The following SPOCK1 variants were observed in gnomAD, a reference collection of about 807,000 sequenced individuals.
SPOCK1 encodes the protein testican-1.
A neutral mutation model predicts 55.3 loss-of-function variants in SPOCK1; 23 were observed. That is an observed-to-expected ratio of 0.42 (90% CI 0.30 to 0.59). The LOEUF (loss-of-function observed/expected upper bound fraction) is 0.59, where lower values mean the gene tolerates loss of function less well. SPOCK1 is among the 20% of genes least tolerant of loss of function. The pLI, the probability that SPOCK1 is intolerant of heterozygous loss-of-function variation, is 0.22. For synonymous variants in SPOCK1, 226 were observed against 221.0 expected, an observed-to-expected ratio of 1.02 and a Z score of -0.20; for missense variants, 499 against 552.5, an observed-to-expected ratio of 0.90 and a Z score of 0.97.
At chr5:137,180,932 C>T (rs902506473) in intron 3 of SPOCK1, among the ~76,000 whole-genome samples, 17 of 152,108 alleles carry the variant, frequency 1.1e-4, no homozygotes, top group East Asian at 3.9e-4. Context: ...GTCTTGGAAT[C>T]GAATCCAATC....
chr5:137,237,897 G>T (rs776782954), intron 3 of SPOCK1, among the ~76,000 whole-genome samples: 2 of 152,122 alleles, frequency 1.3e-5, no homozygotes, highest in Non-Finnish European at 2.9e-5. Context: ...ACACTTGAAG[G>T]CACTGCTTCA....
At chr5:137,465,555 A>C (rs1009433080) in intron 2 of SPOCK1, among the ~76,000 whole-genome samples, 1 of 152,078 alleles carries the variant, frequency 6.6e-6, no homozygotes, top group African/African-American at 2.4e-5. Flanking sequence ...TACTAGATAC[A>C]CAGGCACATC....
chr5:137,335,584 AC>A (rs1750248337), intron 2 of SPOCK1, among the ~76,000 whole-genome samples: 1 of 152,260 alleles, frequency 6.6e-6, no homozygotes, highest in Admixed American at 6.5e-5. Flanking sequence ...GACACTGCTT[AC>A]GGCCTCTGCA....
intron 2 of SPOCK1, among the ~76,000 whole-genome samples, chr5:137,377,902 G>A (rs1364565930): frequency 6.6e-6 from 1 of 150,790 alleles, no homozygotes; most frequent in Non-Finnish European, 1.5e-5. Flanking sequence ...ATGCAAAGCA[G>A]GAGACAGAGC....
chr5:137,419,262 T>C (rs554508760), intron 2 of SPOCK1, among the ~76,000 whole-genome samples: 1 of 152,348 alleles, frequency 6.6e-6, no homozygotes, highest in African/African-American at 2.4e-5. Flanking sequence ...TCTTTTGGCT[T>C]AGGATTGACT....
chr5:137,368,562 C>T (rs1312266211), intron 2 of SPOCK1, among the ~76,000 whole-genome samples: 1 of 152,216 alleles, frequency 6.6e-6, no homozygotes, highest in African/African-American at 2.4e-5. Context: ...GGACAGTGTG[C>T]ATGGGGGACA....
At chr5:137,429,696 A>G (rs1025659691) in intron 2 of SPOCK1, among the ~76,000 whole-genome samples, 5 of 152,344 alleles carry the variant, frequency 3.3e-5, no homozygotes, top group Middle Eastern at 3.4e-3. Flanking sequence ...GTGGTTTATT[A>G]AACCCTGGAC....
intron 2 of SPOCK1, among the ~76,000 whole-genome samples, chr5:137,470,579 G>T (rs1303715517): frequency 6.6e-6 from 1 of 152,144 alleles, no homozygotes; most frequent in Non-Finnish European, 1.5e-5. Flanking sequence ...GCCCTGAAGT[G>T]GTCAACCATC....
chr5:136,999,569 T>C (rs1375798672), intron 6 of SPOCK1, among the ~76,000 whole-genome samples: 1 of 152,154 alleles, frequency 6.6e-6, no homozygotes, highest in African/African-American at 2.4e-5. Flanking sequence ...TCTCAGCTCA[T>C]TGATGACTTC....
At chr5:137,110,730 G>A (rs962316604) in intron 5 of SPOCK1, among the ~76,000 whole-genome samples, 1 of 152,194 alleles carries the variant, frequency 6.6e-6, no homozygotes, top group African/African-American at 2.4e-5. Context: ...TGGAGTTAGA[G>A]TTAAGGATTC....
At chr5:137,411,937 G>A (rs572163441) in intron 2 of SPOCK1, among the ~76,000 whole-genome samples, 3 of 152,236 alleles carry the variant, frequency 2.0e-5, no homozygotes, top group South Asian at 2.1e-4. Context: ...CCTCACCTAC[G>A]CAGTAAAGAA....
chr5:137,159,704 G>A (rs1754488041), intron 3 of SPOCK1, among the ~76,000 whole-genome samples: 3 of 152,062 alleles, frequency 2.0e-5, no homozygotes, highest in African/African-American at 7.2e-5. Flanking sequence ...GTATTCTACG[G>A]TGTATATATA....
chr5:137,405,002 T>C (rs1410996878), intron 2 of SPOCK1, among the ~76,000 whole-genome samples: 2 of 152,192 alleles, frequency 1.3e-5, no homozygotes, highest in African/African-American at 2.4e-5. Context: ...GCTGAAGTCC[T>C]CCCAGGTGAT....
At chr5:137,268,383 A>T (rs1255366083) in intron 2 of SPOCK1, among the ~76,000 whole-genome samples, 1 of 152,222 alleles carries the variant, frequency 6.6e-6, no homozygotes, top group African/African-American at 2.4e-5. Context: ...TTAGTTTTAT[A>T]GAATAACTGG....
intron 2 of SPOCK1, among the ~76,000 whole-genome samples, chr5:137,430,276 A>C (rs1752716194): frequency 6.6e-6 from 1 of 152,318 alleles, no homozygotes; most frequent in Non-Finnish European, 1.5e-5. Context: ...TAGCATTATT[A>C]TAGAATATAC....
In SPOCK1 at chr5:137,124,449, A is replaced by G. The variant is rs17170994; in HGVS notation, c.348-11888T>C. Among the ~76,000 whole-genome samples, 696 of 152,308 alleles carry G rather than the reference A, an allele frequency of 4.6e-3. 6 individuals are homozygous for G. The highest frequency in any genetic ancestry group is 0.016 in the African/African-American group (666 of 41,570). ...GTTGCCTCCTATTCTGAAGGGCAAC[A>G]TGGGTGAATCCTGTGGACCAAGGGG... On this transcript the variant is annotated intron_variant, in intron 4 of 10. Transcript: ENST00000394945.
At chr5:137,030,544 G>A (rs574917749) in intron 6 of SPOCK1, among the ~76,000 whole-genome samples, 1 of 152,138 alleles carries the variant, frequency 6.6e-6, no homozygotes, top group Non-Finnish European at 1.5e-5. Context: ...AATCAATTCT[G>A]GGGGGAGGTC....
chr5:137,228,540 G>A (rs988794937), intron 3 of SPOCK1, among the ~76,000 whole-genome samples: 1 of 152,156 alleles, frequency 6.6e-6, no homozygotes, highest in Non-Finnish European at 1.5e-5. Flanking sequence ...TTACTTGCGA[G>A]GCTGAGGCAT....
At position 137,313,465 on chromosome 5, in the gene SPOCK1, C is replaced by G. The variant is rs534757676; in HGVS notation, c.187-46410G>C. 4.1e-6 allele frequency: 4 copies of G among 985,332 alleles called. No homozygotes were observed. The African/African-American group carries it at 5.2e-5, about 13-fold the overall frequency. 61.0% of individuals were successfully genotyped at this position (985,332 alleles called of 1,614,324 possible). On this transcript the variant is annotated intron_variant, in intron 2 of 10. Coordinates refer to ENST00000394945, the MANE Select transcript of SPOCK1 (RefSeq NM_004598.4). The stretch of plus-strand genomic sequence containing the variant: ...GTGGTCTCAGGAAATCATCAGGGCA[C>G]AGGCCGGGCACCTGTGACACCCACC...
Sources: allele counts gnomAD v4.1 joint callset (sites outside exome capture counted in the v4.1 genomes callset), GRCh38; gene constraint gnomAD v4.1.1; transcripts MANE v1.5; gene names NCBI Gene and HGNC (gene_info 2026-07-23, HGNC 2026-07-21).